Variants in ANKFN1 observed in about 807,000 individuals in gnomAD.
The protein encoded by ANKFN1 is ankyrin repeat and fibronectin type-III domain-containing protein 1.
ANKFN1 carries 74 observed loss-of-function variants against 108.7 expected under a neutral mutation model. The observed-to-expected ratio is 0.68, with a 90% CI of 0.56 to 0.83. ANKFN1 has a LOEUF of 0.83. Among genes scored for constraint, ANKFN1 ranks in the 40% least tolerant of loss-of-function variants. ANKFN1 has a pLI of 0.00. For missense variants in ANKFN1, 1,505 were observed against 1,382.3 expected (o/e 1.09, Z -1.41); for synonymous variants, 547 against 516.2 (o/e 1.06, Z -0.81).
At chr17:56,329,312 G>A (rs1336057819) in intron 4 of ANKFN1, among the ~76,000 whole-genome samples, 1 of 152,122 alleles carries the variant, frequency 6.6e-6, no homozygotes, top group Non-Finnish European at 1.5e-5. Flanking sequence ...TGACTTACCA[G>A]TGACACCATG....
rs376316296 is a variant in ANKFN1, at chr17:56,137,534, T to C, written c.289-90383T>C. ...TGCTTACTTGTAAATCTTTTCTTAA[T>C]CCCATCTGAAGAAACCAGGTGGGAT... is the stretch of plus-strand genomic sequence containing the variant. On this transcript the variant is annotated intron_variant, in intron 4 of 12. Transcript: ENST00000635860. Among the ~76,000 whole-genome samples, 10 of 152,254 alleles carry C rather than the reference T, an allele frequency of 6.6e-5. No homozygotes were observed. In the East Asian group the frequency reaches 1.9e-3, roughly 29 times the overall value.
At chr17:56,184,052 A>G (rs1044190087) in intron 1 of ANKFN1, among the ~76,000 whole-genome samples, 5 of 152,202 alleles carry the variant, frequency 3.3e-5, no homozygotes, top group Non-Finnish European at 1.5e-5. Flanking sequence ...AAGTGACAAT[A>G]AAGGATTTAG....
rs1048842217 is a variant in ANKFN1 at position 56,511,517 on chromosome 17, A to C, written c.*248A>C. ...GAGTTGTGTCAACATGGAATACGAC[A>C]TACAGTGACTCAAACATGCCACCCT... On this transcript the variant is annotated 3_prime_UTR_variant, in exon 21 of 21. Transcript: ENST00000682825. 69 of 479,724 alleles carry C rather than the reference A, an allele frequency of 1.4e-4. 1 individual carries two copies. Among genetic ancestry groups the C allele is most frequent in the Non-Finnish European group, 2.4e-4 (65 of 272,086 alleles). The allele number at this position is 479,724 out of a possible 1,614,324, so 29.7% of individuals were successfully genotyped here.
rs187362247 is a variant in ANKFN1, at chr17:56,278,324, C to T, written c.54-47897C>T. Among the ~76,000 whole-genome samples, 336 of 152,324 alleles carry T rather than the reference C, an allele frequency of 2.2e-3. 1 individual carries two copies. The highest frequency in any genetic ancestry group is 4.2e-3 in the Non-Finnish European group (285 of 68,018). On this transcript the variant is annotated intron_variant, in intron 3 of 20. Coordinates refer to ENST00000682825, the MANE Select transcript of ANKFN1 (RefSeq NM_001370326.1). ...CACACCCTCCCTCAGTCACTCCCCT[C>T]CTCAGCCATCCTCTTGGATCTAAGT...
At chr17:56,094,714 G>A in intron 4 of ANKFN1, among the ~76,000 whole-genome samples, 1 of 147,148 alleles carries the variant, frequency 6.8e-6, no homozygotes, top group East Asian at 2.0e-4. Context: ...TAGAGACGGG[G>A]TTTCACCATG....
intron 8 of ANKFN1, among the ~76,000 whole-genome samples, chr17:56,418,869 A>ACCT (rs2048316523): frequency 3.3e-5 from 5 of 152,102 alleles, no homozygotes; most frequent in African/African-American, 1.2e-4. Context: ...TCAGGGGTTA[A>ACCT]TGCACCTTGC....
At chr17:56,195,939 C>T (rs1913464584) in intron 1 of ANKFN1, among the ~76,000 whole-genome samples, 1 of 152,134 alleles carries the variant, frequency 6.6e-6, no homozygotes, top group Non-Finnish European at 1.5e-5. Context: ...TTTAACACTA[C>T]TTATTAACAT....
At chr17:56,372,596 C>A in intron 6 of ANKFN1, 50 bp from the exon 7 acceptor site, 1 of 1,490,006 alleles carries the variant, frequency 6.7e-7, no homozygotes, top group Non-Finnish European at 9.2e-7. Context: ...TCCAATGAAG[C>A]AGCATTTCCC....
intron 8 of ANKFN1, among the ~76,000 whole-genome samples, chr17:56,408,570 A>G (rs1293934587): frequency 6.6e-6 from 1 of 152,114 alleles, no homozygotes; most frequent in Non-Finnish European, 1.5e-5. Context: ...ACTACATTCA[A>G]CTCACATATA....
chr17:56,285,519 C>T (rs1158218778), intron 3 of ANKFN1, among the ~76,000 whole-genome samples: 2 of 152,248 alleles, frequency 1.3e-5, no homozygotes, highest in East Asian at 3.9e-4. Context: ...AGATGCAATT[C>T]ACCCTCTCAG....
intron 2 of ANKFN1, among the ~76,000 whole-genome samples, chr17:56,226,100 T>C (rs1051938815): frequency 6.6e-6 from 1 of 151,496 alleles, no homozygotes; most frequent in Non-Finnish European, 1.5e-5. Context: ...TTCAGTGGAC[T>C]TTTTTTTTGT....
At chr17:56,076,242 G>A (rs1905179418) in intron 4 of ANKFN1, among the ~76,000 whole-genome samples, 1 of 152,074 alleles carries the variant, frequency 6.6e-6, no homozygotes, top group Non-Finnish European at 1.5e-5. Flanking sequence ...AAATTAATAT[G>A]CATTTGTTCA....
intron 8 of ANKFN1, among the ~76,000 whole-genome samples, chr17:56,430,664 C>A (rs1394315854): frequency 6.6e-6 from 1 of 152,014 alleles, no homozygotes; most frequent in Non-Finnish European, 1.5e-5. Context: ...AATTTAATGG[C>A]AACTGCTAAA....
rs186793950 is a variant in ANKFN1, at chr17:56,199,131, C to T, written c.-70-13467C>T. On this transcript the variant is annotated intron_variant, in intron 1 of 20. Transcript: ENST00000682825. ...GCCCCCATCTTTTCATCTGCTTTTA[C>T]GTCTCTGCTAAATTTTTTCCTATAA... Among the ~76,000 whole-genome samples the T allele has an allele frequency of 1.8e-4, 27 of 152,038 alleles. No homozygotes were observed. In the East Asian group the frequency reaches 2.7e-3, roughly 15 times the overall value.
chr17:56,456,725 A>G, intron 11 of ANKFN1, 136 bp from the exon 12 acceptor site: 1 of 710,370 alleles, frequency 1.4e-6, no homozygotes, highest in Non-Finnish European at 2.5e-6. Context: ...ATGAATGAGC[A>G]GAATCCCTAC....
chr17:56,124,942 T>G (rs1906835617), intron 4 of ANKFN1, among the ~76,000 whole-genome samples: 1 of 152,204 alleles, frequency 6.6e-6, no homozygotes, highest in Middle Eastern at 3.2e-3. Flanking sequence ...TCTAGCTTCC[T>G]GGGGCTAACA....
At position 56,097,604 on chromosome 17, in the gene ANKFN1, G is replaced by T. The variant is rs188706397; in HGVS notation, c.288+51279G>T. On this transcript the variant is annotated intron_variant, in intron 4 of 12. Transcript: ENST00000635860. ...TGGAGTTTGTGCACAGTCTCTCTCC[G>T]CAGTCTAAGCAGAGTCCTTAGGTGA... is the stretch of plus-strand genomic sequence containing the variant. Among the ~76,000 whole-genome samples the T allele has an allele frequency of 5.3e-5, 8 of 152,280 alleles. No homozygotes were observed. In the East Asian group the frequency reaches 1.2e-3, roughly 22 times the overall value.
chr17:56,124,029 G>A lies in ANKFN1; in HGVS notation c.288+77704G>A, dbSNP rs535403754. The stretch of plus-strand genomic sequence containing the variant: ...CCAGTAGACGAGGGGTCCATGGTGC[G>A]CAGAAAACCAAACAAGTATACCAAC... On this transcript the variant is annotated intron_variant, in intron 4 of 12. Coordinates refer to the ANKFN1 transcript ENST00000635860. Among the ~76,000 whole-genome samples the A allele has an allele frequency of 7.2e-5, 11 of 152,170 alleles. No homozygotes were observed. In the South Asian group the frequency reaches 1.0e-3, roughly 14 times the overall value.
rs576747712 is a variant in ANKFN1, at chr17:56,370,901, A to G, written c.602-1745A>G. ...AGGAAATTGCACCTTGAGGCTACTA[A>G]TATTGCCAATTTTTCCACTGGAGTG... On this transcript the variant is annotated intron_variant, in intron 6 of 20. Transcript: ENST00000682825. 2.6e-5 allele frequency among the ~76,000 whole-genome samples: 4 copies of G among 151,726 alleles called. No homozygotes were observed. The South Asian group carries it at 8.3e-4, about 32-fold the overall frequency.
Sources: allele counts gnomAD v4.1 joint callset (sites outside exome capture counted in the v4.1 genomes callset), GRCh38; gene constraint gnomAD v4.1.1; transcripts MANE v1.5; gene names NCBI Gene and HGNC (gene_info 2026-07-23, HGNC 2026-07-21).